PATJ: variants seen among roughly 807,000 people sequenced by gnomAD.
The protein encoded by PATJ is PATJ crumbs cell polarity complex component.
Under a neutral mutation model 224.9 loss-of-function variants are expected in PATJ, and 190 were observed. The observed-to-expected ratio is 0.84, with a 90% CI of 0.75 to 0.95. The LOEUF is 0.95. Ranked by LOEUF, PATJ falls within the 40% of genes least tolerant of loss-of-function variation. The pLI is 0.00. For synonymous variants in PATJ, 769 were observed against 820.3 expected, an observed-to-expected ratio of 0.94 and a Z score of 1.07; for missense variants, 2,121 against 2,270.3, an observed-to-expected ratio of 0.93 and a Z score of 1.34.
intron 1 of PATJ, among the ~76,000 whole-genome samples, chr1:61,762,374 T>A (rs1231680012): frequency 2.0e-5 from 3 of 152,176 alleles, no homozygotes; most frequent in Admixed American, 2.0e-4. Context: ...TTTTTATTTC[T>A]GAATATTATA....
chr1:61,769,090 GCA>G (rs1413562903), intron 4 of PATJ, among the ~76,000 whole-genome samples, 191 bp from the exon 5 acceptor site: 1 of 152,156 alleles, frequency 6.6e-6, no homozygotes, highest in East Asian at 1.9e-4. Context: ...GCAGAACACT[GCA>G]CACACTCTCT....
chr1:62,045,028 G>A (rs780806729), intron 30 of PATJ, among the ~76,000 whole-genome samples: 24 of 152,092 alleles, frequency 1.6e-4, no homozygotes, highest in Non-Finnish European at 3.2e-4. Flanking sequence ...GACCAGCCTG[G>A]CCAACATGGC....
chr1:61,813,367 A>T (rs1421774873), intron 14 of PATJ, among the ~76,000 whole-genome samples: 3 of 46,004 alleles, frequency 6.5e-5, no homozygotes, highest in African/African-American at 2.4e-4. Context: ...ATATATATAT[A>T]TATATATATA....
At chr1:61,777,936 G>C (rs974160971) in intron 7 of PATJ, among the ~76,000 whole-genome samples, 1 of 151,924 alleles carries the variant, frequency 6.6e-6, no homozygotes, top group African/African-American at 2.4e-5. Context: ...CTGGAGTGCA[G>C]TGGTGCTATC....
rs900374053 is a variant in PATJ, at chr1:61,748,335, A to C, written c.-36+5780A>C. On this transcript the variant is annotated intron_variant, in intron 1 of 43. Coordinates refer to ENST00000642238, the MANE Select transcript of PATJ (RefSeq NM_001350145.3). The stretch of plus-strand genomic sequence containing the variant: ...AGTGGCTTGATCTCCGCTCACTCCA[A>C]CCTCTGCCTCCCAGGTTCAAGCCAT... Among the ~76,000 whole-genome samples the C allele has an allele frequency of 2.2e-5, 3 of 133,580 alleles. No individual in the cohort carries two copies. In the Admixed American group the frequency reaches 2.7e-4, roughly 12 times the overall value. 87.6% of individuals were successfully genotyped at this position (133,580 alleles called of 152,430 possible). A position where few individuals can be genotyped will look rare whatever the true frequency, so the allele number is the denominator to read the frequency against.
intron 11 of PATJ, among the ~76,000 whole-genome samples, chr1:61,800,666 G>A (rs557021030): frequency 6.6e-6 from 1 of 152,112 alleles, no homozygotes; most frequent in South Asian, 2.1e-4. Context: ...GTGCCATGTT[G>A]GTGTGCTACA....
At chr1:61,837,623 T>G (rs1326978561) in intron 17 of PATJ, among the ~76,000 whole-genome samples, 1 of 151,824 alleles carries the variant, frequency 6.6e-6, no homozygotes, top group African/African-American at 2.4e-5. Context: ...ACCCTGTCTG[T>G]ACTAAAAAAT....
intron 41 of PATJ, among the ~76,000 whole-genome samples, chr1:62,137,764 C>T (rs941485884): frequency 1.3e-5 from 2 of 151,950 alleles, no homozygotes; most frequent in South Asian, 2.1e-4. Context: ...CTAACTGTTC[C>T]GTAGGCGCAG....
intron 29 of PATJ, among the ~76,000 whole-genome samples, chr1:62,021,560 TTCG>T (rs1320301930): frequency 1.3e-5 from 2 of 151,542 alleles, no homozygotes; most frequent in African/African-American, 4.9e-5. Context: ...TTATAGTAAG[TTCG>T]TTGTTGTTGT....
chr1:62,160,842 T>TTTAA, intron 43 of PATJ, 66 bp from the exon 44 acceptor site: 1 of 1,554,956 alleles, frequency 6.4e-7, no homozygotes, highest in South Asian at 1.1e-5. Context: ...TGTTAGAGGT[T>TTTAA]TTAATATCAA....
At chr1:61,827,646 CT>C in intron 16 of PATJ, 63 bp downstream of exon 16, 1 of 1,496,076 alleles carries the variant, frequency 6.7e-7, no homozygotes, top group Non-Finnish European at 9.1e-7. Context: ...GCCCCGAAGA[CT>C]GTGCTGCAAT....
At chr1:61,846,894 C>T (rs1344286654) in intron 17 of PATJ, among the ~76,000 whole-genome samples, 1 of 152,214 alleles carries the variant, frequency 6.6e-6, no homozygotes, top group Non-Finnish European at 1.5e-5. Flanking sequence ...CCACTGCACC[C>T]AGCTACAACT....
intron 28 of PATJ, among the ~76,000 whole-genome samples, chr1:61,998,006 A>ATAT (rs1322363358): frequency 2.5e-5 from 3 of 120,588 alleles, no homozygotes; most frequent in Non-Finnish European, 5.0e-5. Context: ...ATAATATATT[A>ATAT]TATATATTAA....
intron 1 of PATJ, among the ~76,000 whole-genome samples, chr1:61,745,842 G>C (rs994038768): frequency 6.6e-6 from 1 of 151,918 alleles, no homozygotes; most frequent in African/African-American, 2.4e-5. Flanking sequence ...GACCTCAGGC[G>C]ATCCACCCGC....
chr1:62,119,289 G>A (rs1470740258), intron 37 of PATJ, among the ~76,000 whole-genome samples: 1 of 152,194 alleles, frequency 6.6e-6, no homozygotes, highest in African/African-American at 2.4e-5. Flanking sequence ...ATCATGATGA[G>A]TTGAAGACTG....
chr1:62,055,610 ATTG>A (rs1654407547), intron 31 of PATJ, among the ~76,000 whole-genome samples: 1 of 152,222 alleles, frequency 6.6e-6, no homozygotes, highest in South Asian at 2.1e-4. Flanking sequence ...CAAAGAGTGA[ATTG>A]TTGTTAATGA....
At chr1:61,881,599 A>C (rs186704521) in intron 21 of PATJ, among the ~76,000 whole-genome samples, 162 of 151,758 alleles carry the variant, frequency 1.1e-3, no homozygotes, top group African/African-American at 3.8e-3. Context: ...TTTAGTAGAG[A>C]CGGGATTTTG....
chr1:62,043,476 C>T (rs925115891), intron 30 of PATJ, among the ~76,000 whole-genome samples: 3 of 152,090 alleles, frequency 2.0e-5, no homozygotes, highest in Admixed American at 2.0e-4. Context: ...ATTCTATGGA[C>T]TTGTTAGAAG....
At chr1:61,911,463 C>T (rs1421994623) in intron 25 of PATJ, among the ~76,000 whole-genome samples, 1 of 152,054 alleles carries the variant, frequency 6.6e-6, no homozygotes, top group African/African-American at 2.4e-5. Flanking sequence ...CCGCCCACCT[C>T]GGCCTCCCAA....
Sources: allele counts gnomAD v4.1 joint callset (sites outside exome capture counted in the v4.1 genomes callset), GRCh38; gene constraint gnomAD v4.1.1; transcripts MANE v1.5; gene names NCBI Gene and HGNC (gene_info 2026-07-23, HGNC 2026-07-21).